ROBO1: variants seen among roughly 807,000 people sequenced by gnomAD.
The protein encoded by ROBO1 is roundabout homolog 1.
A neutral mutation model predicts 195.9 loss-of-function variants in ROBO1; 149 were observed. The ratio of observed to expected loss-of-function variants is 0.76; its 90% CI spans 0.67 to 0.87. The LOEUF (loss-of-function observed/expected upper bound fraction) is 0.87, where lower values mean the gene tolerates loss of function less well. Among genes scored for constraint, ROBO1 ranks in the 40% least tolerant of loss-of-function variants. The pLI, the probability that ROBO1 is intolerant of heterozygous loss-of-function variation, is 0.00. For missense variants in ROBO1, 1,933 were observed against 2,068.3 expected, an observed-to-expected ratio of 0.93 and a Z score of 1.27; for synonymous variants, 816 against 733.2, an observed-to-expected ratio of 1.11 and a Z score of -1.82.
At chr3:79,014,655 T>C (rs1333693869) in intron 3 of ROBO1, among the ~76,000 whole-genome samples, 3 of 152,334 alleles carry the variant, frequency 2.0e-5, no homozygotes, top group Admixed American at 6.5e-5. Flanking sequence ...TATTTCTTTA[T>C]GTTTCTTTTT....
chr3:79,003,864 G>C (rs1332467626), intron 3 of ROBO1, among the ~76,000 whole-genome samples: 1 of 152,132 alleles, frequency 6.6e-6, no homozygotes, highest in African/African-American at 2.4e-5. Flanking sequence ...AATTCTGGAA[G>C]AGACTAAAAT....
At chr3:78,711,324 T>C (rs537663878) in intron 8 of ROBO1, among the ~76,000 whole-genome samples, 90 of 132,392 alleles carry the variant, frequency 6.8e-4, no homozygotes, top group African/African-American at 2.3e-3. Flanking sequence ...TCTCTCTCTC[T>C]CTCCTTCCTT....
chr3:79,546,519 G>C (rs1271625585), intron 2 of ROBO1, among the ~76,000 whole-genome samples: 2 of 152,124 alleles, frequency 1.3e-5, no homozygotes, highest in Non-Finnish European at 2.9e-5. Context: ...AGAGTTAAGC[G>C]CTTTGGATTG....
chr3:78,905,676 C>T (rs978593409), intron 4 of ROBO1, among the ~76,000 whole-genome samples: 1 of 151,768 alleles, frequency 6.6e-6, no homozygotes, highest in Non-Finnish European at 1.5e-5. Flanking sequence ...GATGACTATA[C>T]CTGGAAAAAA....
chr3:79,466,212 C>A (rs528565949), intron 2 of ROBO1, among the ~76,000 whole-genome samples: 1 of 152,020 alleles, frequency 6.6e-6, no homozygotes, highest in Non-Finnish European at 1.5e-5. Context: ...AGAATACAGA[C>A]TATAATTAGT....
At chr3:78,932,386 T>G (rs1016904240) in intron 4 of ROBO1, among the ~76,000 whole-genome samples, 1 of 152,196 alleles carries the variant, frequency 6.6e-6, no homozygotes, top group African/African-American at 2.4e-5. Flanking sequence ...TCAGCATGTA[T>G]GAATATCAGC....
intron 1 of ROBO1, among the ~76,000 whole-genome samples, chr3:79,603,023 C>G (rs1199673829): frequency 2.0e-5 from 3 of 152,016 alleles, no homozygotes; most frequent in Non-Finnish European, 4.4e-5. Context: ...TTAACTACTT[C>G]TGAATGTCAT....
chr3:78,843,410 G>A (rs1377454520), intron 4 of ROBO1, among the ~76,000 whole-genome samples: 2 of 152,020 alleles, frequency 1.3e-5, no homozygotes, highest in Non-Finnish European at 2.9e-5. Flanking sequence ...TTAAGGAGGA[G>A]TGAAACATTT....
intron 4 of ROBO1, among the ~76,000 whole-genome samples, chr3:78,884,939 T>G (rs964946481): frequency 6.6e-6 from 1 of 151,512 alleles, no homozygotes; most frequent in Non-Finnish European, 1.5e-5. Flanking sequence ...TTGCATTGCT[T>G]TGTACGAAGG....
At chr3:78,661,363 G>T in intron 15 of ROBO1, 102 bp from the exon 16 acceptor site, 2 of 642,984 alleles carry the variant, frequency 3.1e-6, no homozygotes, top group Non-Finnish European at 2.4e-6. Context: ...ATTCTGTCTG[G>T]CTTCATCCCA....
At chr3:79,311,062 T>C (rs2033463621) in intron 2 of ROBO1, among the ~76,000 whole-genome samples, 1 of 152,230 alleles carries the variant, frequency 6.6e-6, no homozygotes, top group Admixed American at 6.5e-5. Flanking sequence ...TAATGGCTCA[T>C]AAGCATCCTC....
At chr3:78,710,728 A>G (rs1344725206) in intron 8 of ROBO1, among the ~76,000 whole-genome samples, 1 of 152,170 alleles carries the variant, frequency 6.6e-6, no homozygotes, top group African/African-American at 2.4e-5. Context: ...TCCAATGTCC[A>G]TTCTCTTAGC....
intron 9 of ROBO1, among the ~76,000 whole-genome samples, chr3:78,686,304 C>T (rs1300966645): frequency 6.6e-6 from 1 of 152,094 alleles, no homozygotes; most frequent in African/African-American, 2.4e-5. Context: ...CACCTGTCAT[C>T]CCAGTGCTTT....
intron 3 of ROBO1, among the ~76,000 whole-genome samples, chr3:79,062,579 GAA>G (rs1284675716): frequency 1.3e-5 from 2 of 152,034 alleles, no homozygotes; most frequent in African/African-American, 2.4e-5. Flanking sequence ...TTCACAATAG[GAA>G]AGTCTTGGAA....
chr3:78,923,142 A>G (rs1370484703), intron 4 of ROBO1, among the ~76,000 whole-genome samples: 1 of 152,170 alleles, frequency 6.6e-6, no homozygotes, highest in African/African-American at 2.4e-5. Flanking sequence ...TTCCAGAGAT[A>G]CTATCAGGTC....
At chr3:79,034,178 C>G (rs995207820) in intron 3 of ROBO1, among the ~76,000 whole-genome samples, 2 of 152,106 alleles carry the variant, frequency 1.3e-5, no homozygotes, top group Non-Finnish European at 2.9e-5. Context: ...ATTATTATAA[C>G]AAAATGATGT....
At chr3:78,963,373 T>C (rs2041483972) in intron 3 of ROBO1, among the ~76,000 whole-genome samples, 1 of 151,706 alleles carries the variant, frequency 6.6e-6, no homozygotes. Context: ...TGGATGAACA[T>C]GGTGGGTTAG....
intron 24 of ROBO1, among the ~76,000 whole-genome samples, chr3:78,633,541 G>A (rs1029417501): frequency 1.3e-5 from 2 of 152,144 alleles, no homozygotes; most frequent in Non-Finnish European, 2.9e-5. Context: ...CTGCTCAAGT[G>A]TCCTCAAACA....
intron 4 of ROBO1, among the ~76,000 whole-genome samples, chr3:78,827,791 C>CT (rs2031767734): frequency 6.6e-6 from 1 of 152,128 alleles, no homozygotes; most frequent in South Asian, 2.1e-4. Flanking sequence ...AACTTCAGTC[C>CT]TTTTCTCTTC....
Sources: allele counts gnomAD v4.1 joint callset (sites outside exome capture counted in the v4.1 genomes callset), GRCh38; gene constraint gnomAD v4.1.1; transcripts MANE v1.5; gene names NCBI Gene and HGNC (gene_info 2026-07-23, HGNC 2026-07-21).